KRT23: variants seen among roughly 807,000 people sequenced by gnomAD.
KRT23 encodes the protein keratin 23.
In KRT23, 38 loss-of-function variants were observed where a neutral mutation model predicts 47.6. The ratio of observed to expected loss-of-function variants is 0.80; its 90% CI spans 0.62 to 1.05. The LOEUF (loss-of-function observed/expected upper bound fraction) is 1.05, where lower values mean the gene tolerates loss of function less well. Among genes scored for constraint, KRT23 ranks in the 50% least tolerant of loss-of-function variants. The pLI is 0.00. For synonymous variants in KRT23, 191 were observed against 199.0 expected, an observed-to-expected ratio of 0.96 and a Z score of 0.34; for missense variants, 503 against 529.5, an observed-to-expected ratio of 0.95 and a Z score of 0.49.
intron 3 of KRT23, among the ~76,000 whole-genome samples, chr17:40,931,012 C>CTTTTTTTTTT (rs1165590099): frequency 8.3e-6 from 1 of 120,828 alleles, no homozygotes; most frequent in African/African-American, 3.3e-5. Context: ...ATGAGTTTTC[C>CTTTTTTTTTT]TTTTTTTTTT....
At chr17:40,926,128 G>T (rs1176396995) in intron 6 of KRT23, among the ~76,000 whole-genome samples, 1 of 151,302 alleles carries the variant, frequency 6.6e-6, no homozygotes, top group Non-Finnish European at 1.5e-5. Flanking sequence ...TATGACGATG[G>T]TAAAAAAAAA....
chr17:40,926,820 C>G (rs1443394516), intron 6 of KRT23, among the ~76,000 whole-genome samples: 2 of 152,146 alleles, frequency 1.3e-5, no homozygotes, highest in African/African-American at 4.8e-5. Context: ...TCCAAGGTAG[C>G]CTACAAAGCC....
chr17:40,937,119 A>G, intron 1 of KRT23, 166 bp from the exon 2 acceptor site: 1 of 152,596 alleles, frequency 6.6e-6, no homozygotes. Flanking sequence ...CACCCCCAAT[A>G]AGCCCCACCT....
chr17:40,930,172 G>A (rs1909555489), intron 3 of KRT23, 76 bp from the exon 4 acceptor site: 5 of 1,370,454 alleles, frequency 3.6e-6, no homozygotes, highest in Non-Finnish European at 5.0e-6. Context: ...TTTTCATTTA[G>A]AGGTGAATCT....
intron 2 of KRT23, 64 bp from the exon 3 acceptor site, chr17:40,931,519 G>T: frequency 1.7e-6 from 2 of 1,144,408 alleles, no homozygotes; most frequent in Non-Finnish European, 2.7e-6. Flanking sequence ...CATGACCGCT[G>T]CATGTCTGTC....
chr17:40,931,672 G>GCAGT (rs1462069092), intron 2 of KRT23, among the ~76,000 whole-genome samples: 36 of 152,316 alleles, frequency 2.4e-4, no homozygotes, highest in African/African-American at 8.4e-4. Flanking sequence ...AATATGATCT[G>GCAGT]CAGTCAGTGT....
chr17:40,937,066 A>G (rs562406462), intron 1 of KRT23, 113 bp from the exon 2 acceptor site: 23 of 156,146 alleles, frequency 1.5e-4, no homozygotes, highest in Admixed American at 3.2e-4. Context: ...CAACAGCAAC[A>G]AAAAACCAGA....
chr17:40,929,400 A>G (rs35703478), intron 4 of KRT23, among the ~76,000 whole-genome samples: 75,036 of 152,144 alleles, frequency 0.49, 19,613 homozygotes, highest in East Asian at 0.72. Context: ...TCAGAAACTG[A>G]GCTCTTTGAT....
Position 40,936,718 on chromosome 17 carries a change from T to C in KRT23, c.-115A>G. ...TATGGCCTTTGCTGTGGGAGTTCCC[T>C]TCTCTGACAATTGTACCAACAAGAT... On this transcript the variant is annotated 5_prime_UTR_variant, in exon 2 of 9. Coordinates refer to ENST00000209718, the MANE Select transcript of KRT23 (RefSeq NM_015515.5). The C allele has an allele frequency of 1.1e-6, 1 of 935,866 alleles. No homozygotes were observed. Among genetic ancestry groups the C allele is most frequent in the Non-Finnish European group, 1.5e-6 (1 of 670,610 alleles). 58.0% of individuals were successfully genotyped at this position (935,866 alleles called of 1,614,324 possible).
intron 2 of KRT23, among the ~76,000 whole-genome samples, chr17:40,933,703 T>G (rs1421201018): frequency 1.3e-5 from 2 of 152,234 alleles, no homozygotes; most frequent in Non-Finnish European, 2.9e-5. Flanking sequence ...CGTTTAAAAC[T>G]ATTTCCCATT....
chr17:40,928,526 C>A lies in KRT23; in HGVS notation c.718G>T (p.Val240Phe), dbSNP rs1909389983. ...DTGPREDLIKVLEDMRQEYEL... is the reference protein window; with the variant it reads ...DTGPREDLIKFLEDMRQEYEL... Reference sequence around the variant, plus strand: ...TATTCTTGTCTCATATCCTCCAGGACCTTAATCAGATCTTCCCTGGGACCT... The same window carrying A: ...TATTCTTGTCTCATATCCTCCAGGAACTTAATCAGATCTTCCCTGGGACCT... The change falls in exon 5 of 9, where the codon GTC becomes TTC. Residue 240 changes from valine (V) to phenylalanine (F), a missense_variant. Val to Phe is a conservative substitution (Grantham distance 50, BLOSUM62 -1). Transcript: ENST00000209718. 1 of 1,614,050 alleles carries A rather than the reference C, an allele frequency of 6.2e-7. No homozygotes were observed.
chr17:40,923,803 T>G (rs1909068486), intron 8 of KRT23, among the ~76,000 whole-genome samples: 1 of 152,212 alleles, frequency 6.6e-6, no homozygotes. Context: ...CTCCAATGCC[T>G]TAGAATAGGT....
chr17:40,936,641 C>G lies in KRT23; in HGVS notation c.-38G>C, dbSNP rs201418710. ...GTTTGGGACGGGGCTGAGCTCTGCTCCACTCCCTGGCACCGCAGAACTGAG... is the reference window on the plus strand; with the variant it reads ...GTTTGGGACGGGGCTGAGCTCTGCTGCACTCCCTGGCACCGCAGAACTGAG... On this transcript the variant is annotated 5_prime_UTR_variant, in exon 2 of 9. Coordinates refer to ENST00000209718, the MANE Select transcript of KRT23 (RefSeq NM_015515.5). 1.3e-6 allele frequency: 2 copies of G among 1,490,352 alleles called. No individual in the cohort carries two copies. The highest frequency in any genetic ancestry group is 1.8e-6 in the Non-Finnish European group (2 of 1,122,552). The allele number at this position is 1,490,352 out of a possible 1,614,324, so 92.3% of individuals were successfully genotyped here.
At chr17:40,933,225 G>T (rs1176659257) in intron 2 of KRT23, among the ~76,000 whole-genome samples, 1 of 152,152 alleles carries the variant, frequency 6.6e-6, no homozygotes, top group Non-Finnish European at 1.5e-5. Context: ...ACATAGCCAG[G>T]CTGGCTGCTC....
chr17:40,922,720 G>T lies in KRT23; in HGVS notation c.*269C>A. 3.2e-6 allele frequency: 1 copy of T among 313,432 alleles called. No homozygotes were observed. Among genetic ancestry groups the T allele is most frequent in the Non-Finnish European group, 5.9e-6 (1 of 170,930 alleles). The allele number at this position is 313,432 out of a possible 1,614,324, so 19.4% of individuals were successfully genotyped here. A position where few individuals can be genotyped will look rare whatever the true frequency, so the allele number is the denominator to read the frequency against. ...ATGCAGCTAGTGCGGAGTTTTATTG[G>T]CTACAAAATAGATGCAAAATGATGA... On this transcript the variant is annotated 3_prime_UTR_variant, in exon 9 of 9. Transcript: ENST00000209718.
intron 3 of KRT23, among the ~76,000 whole-genome samples, chr17:40,930,753 A>G (rs1469186378): frequency 6.8e-6 from 1 of 146,026 alleles, no homozygotes; most frequent in Non-Finnish European, 1.5e-5. Context: ...ACAGAGCAAG[A>G]CTCCGTCTCA....
At chr17:40,925,149 A>G (rs1466782488) in intron 7 of KRT23, 2 of 586,484 alleles carry the variant, frequency 3.4e-6, no homozygotes, top group Non-Finnish European at 6.1e-6. Context: ...CTGACTGCAA[A>G]TCTTAGTGTC....
chr17:40,936,103 C>G, intron 2 of KRT23, 105 bp downstream of exon 2: 1 of 1,242,906 alleles, frequency 8.0e-7, no homozygotes, highest in Non-Finnish European at 1.1e-6. Context: ...ACTTCAAGCG[C>G]TGATGCCATT....
intron 7 of KRT23, 100 bp from the exon 8 acceptor site, chr17:40,924,603 T>C: frequency 1.1e-6 from 1 of 909,570 alleles, no homozygotes; most frequent in Non-Finnish European, 1.8e-6. Context: ...GTAAATCCTC[T>C]GCTCTTTAAT....
Sources: allele counts gnomAD v4.1 joint callset (sites outside exome capture counted in the v4.1 genomes callset), GRCh38; gene constraint gnomAD v4.1.1; transcripts MANE v1.5; gene names NCBI Gene and HGNC (gene_info 2026-07-23, HGNC 2026-07-21).